CYP2C8: variants seen among roughly 807,000 people sequenced by gnomAD.
CYP2C8 encodes cytochrome P450 family 2 subfamily C member 8.
Under a neutral mutation model 41.3 loss-of-function variants are expected in CYP2C8, and 51 were observed. The ratio of observed to expected loss-of-function variants is 1.24; its 90% CI spans 0.99 to 1.56. The LOEUF is 1.56. Among genes scored for constraint, CYP2C8 ranks in the 40% most tolerant of loss-of-function variants. CYP2C8 has a pLI of 0.00. For synonymous variants in CYP2C8, 218 were observed against 205.8 expected (o/e 1.06, Z -0.51); for missense variants, 651 against 579.9 (o/e 1.12, Z -1.26).
intron 3 of CYP2C8, 88 bp downstream of exon 3, chr10:95,067,120 A>T (rs1260939813): frequency 6.3e-7 from 1 of 1,582,570 alleles, no homozygotes; most frequent in African/African-American, 1.3e-5. Flanking sequence ...CGCAATGAAG[A>T]CCTGGCCACC....
chr10:95,057,965 T>C (rs1348539865), intron 5 of CYP2C8, among the ~76,000 whole-genome samples: 1 of 152,204 alleles, frequency 6.6e-6, no homozygotes, highest in Non-Finnish European at 1.5e-5. Context: ...GGAAGCCCAT[T>C]TATGATAAGC....
intron 8 of CYP2C8, 120 bp downstream of exon 8, chr10:95,038,777 C>T: frequency 1.1e-6 from 1 of 922,334 alleles, no homozygotes; most frequent in Non-Finnish European, 1.7e-6. Flanking sequence ...AAGAGTGGTG[C>T]TCTTGATCAT....
At chr10:95,066,727 G>A (rs2033576593) in intron 3 of CYP2C8, among the ~76,000 whole-genome samples, 1 of 152,112 alleles carries the variant, frequency 6.6e-6, no homozygotes, top group African/African-American at 2.4e-5. Context: ...TTCCAGACAT[G>A]TGAGTATGAC....
intron 5 of CYP2C8, among the ~76,000 whole-genome samples, chr10:95,047,291 T>G (rs985721677): frequency 6.6e-6 from 1 of 152,220 alleles, no homozygotes; most frequent in African/African-American, 2.4e-5. Context: ...ACATTCATTT[T>G]TATGATTTTT....
chr10:95,066,122 G>GAC (rs1400397226), intron 3 of CYP2C8, among the ~76,000 whole-genome samples: 933 of 89,450 alleles, frequency 0.01, 7 homozygotes, highest in Non-Finnish European at 0.01. Flanking sequence ...GCCTTGGTGA[G>GAC]AGAGAGAGAG....
chr10:95,066,421 A>G (rs2033568924), intron 3 of CYP2C8, among the ~76,000 whole-genome samples: 1 of 152,192 alleles, frequency 6.6e-6, no homozygotes, highest in South Asian at 2.1e-4. Context: ...TTACATTTAA[A>G]GAAGACAGGA....
intron 5 of CYP2C8, among the ~76,000 whole-genome samples, chr10:95,047,840 T>C (rs1249898186): frequency 6.6e-6 from 1 of 152,180 alleles, no homozygotes; most frequent in African/African-American, 2.4e-5. Context: ...ATTACTTCAC[T>C]AGTGAATTCT....
intron 6 of CYP2C8, among the ~76,000 whole-genome samples, chr10:95,045,572 C>G (rs1278189296): frequency 6.6e-6 from 1 of 152,226 alleles, no homozygotes; most frequent in Non-Finnish European, 1.5e-5. Context: ...AATCCAGACA[C>G]TTCATCAGTG....
At chr10:95,059,216 C>T (rs2033373343) in intron 4 of CYP2C8, among the ~76,000 whole-genome samples, 1 of 152,206 alleles carries the variant, frequency 6.6e-6, no homozygotes, top group Admixed American at 6.5e-5. Context: ...GAGGAATCAC[C>T]ACACTGTCTT....
intron 4 of CYP2C8, among the ~76,000 whole-genome samples, chr10:95,061,419 T>G (rs2033426403): frequency 6.6e-6 from 1 of 152,222 alleles, no homozygotes; most frequent in Non-Finnish European, 1.5e-5. Context: ...ATTTTCTAAT[T>G]TACTTGTGTA....
chr10:95,058,093 ATAT>A (rs1475749887), intron 5 of CYP2C8, among the ~76,000 whole-genome samples: 3 of 152,146 alleles, frequency 2.0e-5, no homozygotes, highest in Non-Finnish European at 2.9e-5. Flanking sequence ...TGCAGTGTCT[ATAT>A]TATTCTACTC....
At chr10:95,065,992 GAAC>G (rs936743276) in intron 3 of CYP2C8, among the ~76,000 whole-genome samples, 2 of 152,082 alleles carry the variant, frequency 1.3e-5, no homozygotes, top group Admixed American at 1.3e-4. Context: ...TTGGAACATT[GAAC>G]AACAAGAAAC....
intron 5 of CYP2C8, among the ~76,000 whole-genome samples, chr10:95,053,129 T>C (rs1441110123): frequency 2.0e-5 from 3 of 152,168 alleles, no homozygotes. Context: ...ATCGGTAGTA[T>C]TTCTATATTC....
chr10:95,066,990 T>C lies in CYP2C8; in HGVS notation c.481+218A>G, dbSNP rs556553755. On this transcript the variant is annotated intron_variant, in intron 3 of 8. Transcript: ENST00000371270. ...GAGCAGAAAATAGGATTAAATGACC[T>C]TTTATTCCTACACCCTATGAACCAA... 1.6e-4 allele frequency among the ~76,000 whole-genome samples: 25 copies of C among 152,278 alleles called. 2 individuals are homozygous for C. The highest frequency in any genetic ancestry group is 5.5e-4 in the African/African-American group (23 of 41,568).
At chr10:95,066,153 A>AGAGAGAGTGTGTGTGTGT (rs1342809282) in intron 3 of CYP2C8, among the ~76,000 whole-genome samples, 1 of 88,286 alleles carries the variant, frequency 1.1e-5, no homozygotes, top group African/African-American at 4.5e-5. Flanking sequence ...AGAGAGAGAG[A>AGAGAGAGTGTGTGTGTGT]GTGTGTGTGT....
intron 1 of CYP2C8, among the ~76,000 whole-genome samples, chr10:95,068,790 G>C (rs1429756197): frequency 7.2e-5 from 11 of 152,222 alleles, no homozygotes; most frequent in African/African-American, 2.7e-4. Context: ...GCCAGGTACG[G>C]TGGCTCACAC....
At chr10:95,049,573 T>G (rs1408102090) in intron 5 of CYP2C8, among the ~76,000 whole-genome samples, 1 of 151,994 alleles carries the variant, frequency 6.6e-6, no homozygotes, top group African/African-American at 2.4e-5. Context: ...TGGCCAGAGG[T>G]GAATCTCTGA....
At chr10:95,047,070 C>T (rs1170461819) in intron 5 of CYP2C8, among the ~76,000 whole-genome samples, 4 of 151,994 alleles carry the variant, frequency 2.6e-5, no homozygotes, top group Non-Finnish European at 2.9e-5. Flanking sequence ...AAACTGTTTC[C>T]CCAACTTGCT....
At chr10:95,040,386 G>A (rs1012028858) in intron 7 of CYP2C8, among the ~76,000 whole-genome samples, 4 of 152,146 alleles carry the variant, frequency 2.6e-5, no homozygotes, top group African/African-American at 9.7e-5. Context: ...TATCAATTCT[G>A]TCTTCTCCAG....
Sources: allele counts gnomAD v4.1 joint callset (sites outside exome capture counted in the v4.1 genomes callset), GRCh38; gene constraint gnomAD v4.1.1; transcripts MANE v1.5; gene names NCBI Gene and HGNC (gene_info 2026-07-23, HGNC 2026-07-21).